The following STXBP5L variants were observed in gnomAD, a reference collection of about 807,000 sequenced individuals.
STXBP5L encodes syntaxin-binding protein 5-like.
In STXBP5L, 65 loss-of-function variants were observed where a neutral mutation model predicts 144.5. The observed-to-expected ratio is 0.45, with a 90% confidence interval of 0.37 to 0.55. The LOEUF is 0.55. Ranked by LOEUF, STXBP5L falls within the 20% of genes least tolerant of loss-of-function variation. The pLI is 0.00. For missense variants in STXBP5L, 1,298 were observed against 1,405.5 expected, an observed-to-expected ratio of 0.92 and a Z score of 1.22; for synonymous variants, 505 against 469.6, an observed-to-expected ratio of 1.08 and a Z score of -0.97.
intron 5 of STXBP5L, 89 bp downstream of exon 5, chr3:121,045,624 C>T (rs951305624): frequency 2.7e-6 from 3 of 1,130,586 alleles, no homozygotes; most frequent in African/African-American, 1.6e-5. Flanking sequence ...CTTTTTTCCT[C>T]ATAATCTCAA....
chr3:121,260,371 CTTTG>C (rs939791847), intron 18 of STXBP5L, among the ~76,000 whole-genome samples: 2 of 151,922 alleles, frequency 1.3e-5, no homozygotes, highest in Non-Finnish European at 2.9e-5. Context: ...TGCTTTATGA[CTTTG>C]TTTAAGATGG....
chr3:121,314,963 A>G (rs964046807), intron 19 of STXBP5L, among the ~76,000 whole-genome samples: 1 of 152,176 alleles, frequency 6.6e-6, no homozygotes, highest in Non-Finnish European at 1.5e-5. Flanking sequence ...TAGAATGGCA[A>G]TCATTAAAAA....
intron 19 of STXBP5L, among the ~76,000 whole-genome samples, chr3:121,317,972 G>A (rs1435924415): frequency 6.6e-6 from 1 of 151,994 alleles, no homozygotes; most frequent in African/African-American, 2.4e-5. Context: ...ATTAGGTATT[G>A]TTAAAACCCC....
At chr3:121,259,488 C>A (rs1391623432) in intron 18 of STXBP5L, among the ~76,000 whole-genome samples, 1 of 151,748 alleles carries the variant, frequency 6.6e-6, no homozygotes, top group African/African-American at 2.4e-5. Flanking sequence ...TTGACTTATC[C>A]TTTAGAGTTC....
At chr3:120,909,811 C>G in intron 2 of STXBP5L, 44 bp downstream of exon 2, 1 of 1,554,924 alleles carries the variant, frequency 6.4e-7, no homozygotes, top group Non-Finnish European at 8.7e-7. Context: ...CTTTATTATA[C>G]TGTTGTAAGG....
At chr3:121,001,777 A>C (rs1243025328) in intron 3 of STXBP5L, among the ~76,000 whole-genome samples, 1 of 151,448 alleles carries the variant, frequency 6.6e-6, no homozygotes, top group Non-Finnish European at 1.5e-5. Flanking sequence ...CTGTCCATTC[A>C]CTCTCAAAGC....
Position 121,095,097 on chromosome 3 carries a change from G to T in STXBP5L, c.471-19828G>T, listed in dbSNP as rs1039313408. 3.3e-5 allele frequency among the ~76,000 whole-genome samples: 5 copies of T among 152,130 alleles called. No individual in the cohort carries two copies. In the South Asian group the frequency reaches 1.0e-3, roughly 32 times the overall value. ...CTGGGTTGAAAATTCTTTTCTTTAA[G>T]AATGTTGAATATTGGCCCCCAGTGT... On this transcript the variant is annotated intron_variant, in intron 5 of 26. Transcript: ENST00000471454.
intron 19 of STXBP5L, among the ~76,000 whole-genome samples, chr3:121,302,634 T>A (rs916911235): frequency 6.6e-6 from 1 of 152,164 alleles, no homozygotes; most frequent in African/African-American, 2.4e-5. Flanking sequence ...AATTGTGATG[T>A]TAGGGTATCA....
rs1010977368 is a variant in STXBP5L, at chr3:121,152,921, T to C, written c.753+361T>C. On this transcript the variant is annotated intron_variant, in intron 8 of 26. Coordinates refer to ENST00000471454, the MANE Select transcript of STXBP5L (RefSeq NM_001308330.2). ...AGGCTCCATGCTACGTTGTGCCTCA[T>C]TGTCCTTAAGGTCTCTAAAGACACT... is the stretch of plus-strand genomic sequence containing the variant. Among the ~76,000 whole-genome samples the C allele has an allele frequency of 1.2e-4, 18 of 152,228 alleles. 1 individual carries two copies. The highest frequency in any genetic ancestry group is 7.9e-4 in the Admixed American group (12 of 15,260).
chr3:121,328,245 T>C lies in STXBP5L; in HGVS notation c.2176+9705T>C, dbSNP rs371876775. ...TTAATAATGAAAATAATAGCTAACA[T>C]TGAATGCTTGCCATATACCATACAC... On this transcript the variant is annotated intron_variant, in intron 20 of 26. Transcript: ENST00000471454. Among the ~76,000 whole-genome samples the C allele has an allele frequency of 2.6e-5, 4 of 152,318 alleles. No homozygotes were observed. In the East Asian group the frequency reaches 5.8e-4, roughly 22 times the overall value.
Position 121,063,239 on chromosome 3 carries a change from G to A in STXBP5L, c.470+17704G>A, listed in dbSNP as rs560896132. 2.7e-4 allele frequency among the ~76,000 whole-genome samples: 41 copies of A among 152,308 alleles called. No individual in the cohort carries two copies. In the South Asian group the frequency reaches 8.5e-3, roughly 32 times the overall value. On this transcript the variant is annotated intron_variant, in intron 5 of 26. Coordinates refer to ENST00000471454, the MANE Select transcript of STXBP5L (RefSeq NM_001308330.2). ...ATGTTGATACTATTCTTTTCTGTTG[G>A]TTAGTTTTCTTTCTAACAGTCAGGC...
chr3:121,302,044 G>A (rs1261454503), intron 19 of STXBP5L, among the ~76,000 whole-genome samples: 10 of 152,148 alleles, frequency 6.6e-5, no homozygotes, highest in Non-Finnish European at 1.2e-4. Context: ...TTGGTATCAG[G>A]ATGATGCTGG....
chr3:121,023,205 G>T lies in STXBP5L; in HGVS notation c.288-18495G>T, dbSNP rs868624540. ...ACTTAACCAAGGAGATTAAAGGCCT[G>T]TACAAGGAAAACTACAAAACACTGC... On this transcript the variant is annotated intron_variant, in intron 3 of 26. Coordinates refer to ENST00000471454, the MANE Select transcript of STXBP5L (RefSeq NM_001308330.2). 2.0e-5 allele frequency among the ~76,000 whole-genome samples: 3 copies of T among 151,958 alleles called. No individual in the cohort carries two copies. The South Asian group carries it at 6.2e-4, about 31-fold the overall frequency.
chr3:120,951,436 A>G (rs1576471221), intron 2 of STXBP5L, among the ~76,000 whole-genome samples: 1 of 152,064 alleles, frequency 6.6e-6, no homozygotes, highest in Admixed American at 6.6e-5. Context: ...AGAATCTACA[A>G]TGAACTCAAA....
chr3:121,068,722 G>T (rs1412879756), intron 5 of STXBP5L, among the ~76,000 whole-genome samples: 1 of 151,524 alleles, frequency 6.6e-6, no homozygotes, highest in Non-Finnish European at 1.5e-5. Context: ...TGTTAATATT[G>T]TTTATATTCA....
intron 2 of STXBP5L, among the ~76,000 whole-genome samples, chr3:120,923,678 A>G (rs1245599849): frequency 6.6e-6 from 1 of 151,706 alleles, no homozygotes; most frequent in Non-Finnish European, 1.5e-5. Context: ...TTTTAGTTTT[A>G]TTCCATTGTG....
chr3:120,973,579 C>T (rs1440609732), intron 3 of STXBP5L, among the ~76,000 whole-genome samples: 1 of 151,846 alleles, frequency 6.6e-6, no homozygotes, highest in African/African-American at 2.4e-5. Flanking sequence ...TTTTAGGGTA[C>T]ATGTGCACAA....
At chr3:121,059,708 T>G (rs1435983657) in intron 5 of STXBP5L, among the ~76,000 whole-genome samples, 1 of 152,288 alleles carries the variant, frequency 6.6e-6, no homozygotes, top group African/African-American at 2.4e-5. Flanking sequence ...GTAAGCTGTA[T>G]TCCTACGTAT....
Position 121,229,183 on chromosome 3 carries a change from C to T in STXBP5L, c.1112-4433C>T, listed in dbSNP as rs1028589014. ...ATATCGCTCTAGGAAAAAGATTTAC[C>T]ATGCAAGACTATCTCATGCAAAATT... On this transcript the variant is annotated intron_variant, in intron 11 of 26. Coordinates refer to ENST00000471454, the MANE Select transcript of STXBP5L (RefSeq NM_001308330.2). 3.3e-5 allele frequency among the ~76,000 whole-genome samples: 5 copies of T among 152,222 alleles called. No homozygotes were observed. The South Asian group carries it at 1.0e-3, about 32-fold the overall frequency.
Sources: gnomAD v4.1 joint callset for allele counts (sites outside exome capture counted in the v4.1 genomes callset) on GRCh38, gnomAD v4.1.1 for gene constraint, MANE v1.5 for transcripts, NCBI Gene and HGNC (gene_info 2026-07-23, HGNC 2026-07-21) for gene names.